Variants in NOL4 observed in about 807,000 individuals in gnomAD.
NOL4 encodes cancer/testis antigen 125.
In NOL4, 17 loss-of-function variants were observed where a neutral mutation model predicts 75.9. The observed-to-expected ratio is 0.22, with a 90% CI of 0.15 to 0.34. The LOEUF is 0.34. Ranked by LOEUF, NOL4 falls within the 10% of genes least tolerant of loss-of-function variation. The pLI is 1.00. For synonymous variants in NOL4, 292 were observed against 289.9 expected, an observed-to-expected ratio of 1.01 and a Z score of -0.07; for missense variants, 614 against 793.5, an observed-to-expected ratio of 0.77 and a Z score of 2.72.
intron 4 of NOL4, among the ~76,000 whole-genome samples, chr18:34,099,675 A>G (rs527665878): frequency 6.6e-6 from 1 of 152,078 alleles, no homozygotes; most frequent in East Asian, 1.9e-4. Context: ...TCACCCCTTG[A>G]TTCTAACCCT....
At chr18:34,024,194 A>AAATATATATATATATATAT in intron 5 of NOL4, among the ~76,000 whole-genome samples, 22 of 70,678 alleles carry the variant, frequency 3.1e-4, no homozygotes, top group African/African-American at 7.4e-4. Flanking sequence ...AAAAAAAAAA[A>AAATATATATATATATATAT]ATATATATAT....
chr18:33,859,890 C>A (rs1464795512), intron 10 of NOL4, among the ~76,000 whole-genome samples: 2 of 151,978 alleles, frequency 1.3e-5, no homozygotes, highest in African/African-American at 4.8e-5. Flanking sequence ...TACACTCCAG[C>A]CTGGGGGACA....
chr18:33,934,652 G>A (rs377103087), intron 9 of NOL4, among the ~76,000 whole-genome samples: 1 of 152,032 alleles, frequency 6.6e-6, no homozygotes, highest in Non-Finnish European at 1.5e-5. Context: ...ACTAATCTCT[G>A]CTGTAATAGC....
chr18:34,109,979 G>A (rs1007690141), intron 2 of NOL4, among the ~76,000 whole-genome samples: 3 of 151,428 alleles, frequency 2.0e-5, no homozygotes, highest in Admixed American at 6.6e-5. Context: ...TGCACAGATC[G>A]ATAGTGAGTA....
intron 10 of NOL4, among the ~76,000 whole-genome samples, chr18:33,858,254 G>A (rs890996999): frequency 8.6e-5 from 13 of 151,974 alleles, no homozygotes; most frequent in Admixed American, 8.5e-4. Context: ...ATCAGTAAAT[G>A]AAGTGATTTT....
At chr18:34,124,840 G>C (rs1266385794) in intron 2 of NOL4, among the ~76,000 whole-genome samples, 1 of 151,954 alleles carries the variant, frequency 6.6e-6, no homozygotes, top group Non-Finnish European at 1.5e-5. Flanking sequence ...TCGGGAGGTG[G>C]AGGTTGCAGT....
intron 1 of NOL4, among the ~76,000 whole-genome samples, chr18:34,217,055 A>G (rs971739583): frequency 3.3e-5 from 5 of 152,168 alleles, no homozygotes; most frequent in African/African-American, 1.2e-4. Flanking sequence ...AGAGGAATCT[A>G]GAATGATGTT....
chr18:33,959,708 T>C (rs893197261), intron 6 of NOL4, among the ~76,000 whole-genome samples: 1 of 152,092 alleles, frequency 6.6e-6, no homozygotes, highest in Non-Finnish European at 1.5e-5. Context: ...AATTAGTACT[T>C]AGAACAACTG....
At chr18:33,882,098 A>G (rs2144664873) in intron 10 of NOL4, among the ~76,000 whole-genome samples, 1 of 152,338 alleles carries the variant, frequency 6.6e-6, no homozygotes, top group Admixed American at 6.5e-5. Flanking sequence ...AAACCATAAA[A>G]ACCCTAGAAG....
At chr18:34,026,389 C>T (rs535471477) in intron 5 of NOL4, among the ~76,000 whole-genome samples, 16 of 152,232 alleles carry the variant, frequency 1.1e-4, no homozygotes, top group African/African-American at 3.9e-4. Flanking sequence ...GAATCTGATT[C>T]CCATGTAGGA....
At chr18:34,214,938 CT>C (rs1413943057) in intron 1 of NOL4, among the ~76,000 whole-genome samples, 1 of 152,124 alleles carries the variant, frequency 6.6e-6, no homozygotes, top group African/African-American at 2.4e-5. Flanking sequence ...TATGATTCCA[CT>C]TATATGAGGC....
chr18:34,213,376 G>A (rs763065139), intron 1 of NOL4, among the ~76,000 whole-genome samples: 7 of 152,080 alleles, frequency 4.6e-5, no homozygotes, highest in African/African-American at 1.7e-4. Flanking sequence ...TGCAACCTCC[G>A]CCTCCCGGCT....
At chr18:34,215,050 G>C (rs2036785100) in intron 1 of NOL4, among the ~76,000 whole-genome samples, 1 of 152,186 alleles carries the variant, frequency 6.6e-6, no homozygotes, top group Admixed American at 6.5e-5. Flanking sequence ...TATAGTTTCT[G>C]TTATGCAAGA....
chr18:33,902,476 T>C (rs2065800168), intron 9 of NOL4, among the ~76,000 whole-genome samples: 2 of 152,164 alleles, frequency 1.3e-5, no homozygotes, highest in Admixed American at 6.6e-5. Context: ...GGAAATGTTT[T>C]ATATAGAAAA....
rs940972140 is a variant in NOL4, at chr18:34,102,119, T to A, written c.639+1928A>T. 4.6e-5 allele frequency among the ~76,000 whole-genome samples: 7 copies of A among 152,198 alleles called. No individual in the cohort carries two copies. In the East Asian group the frequency reaches 1.4e-3, roughly 29 times the overall value. On this transcript the variant is annotated intron_variant, in intron 4 of 10. Transcript: ENST00000261592. The stretch of plus-strand genomic sequence containing the variant: ...TACATTTTAATAAAGCCTTTTAAAC[T>A]TGTGATTCCCTAGTTCTAAAGGGAG...
At chr18:33,981,835 C>T (rs1212815634) in intron 6 of NOL4, among the ~76,000 whole-genome samples, 1 of 151,924 alleles carries the variant, frequency 6.6e-6, no homozygotes, top group Non-Finnish European at 1.5e-5. Context: ...TTTAATAATA[C>T]TAGCAACAAT....
chr18:34,029,201 A>G (rs1295621142), intron 5 of NOL4, among the ~76,000 whole-genome samples: 1 of 152,166 alleles, frequency 6.6e-6, no homozygotes, highest in Non-Finnish European at 1.5e-5. Flanking sequence ...ACAATAAACT[A>G]TATGATATCT....
intron 5 of NOL4, among the ~76,000 whole-genome samples, chr18:34,056,840 A>G (rs767254059): frequency 3.0e-4 from 45 of 152,220 alleles, no homozygotes; most frequent in Non-Finnish European, 5.7e-4. Flanking sequence ...TTGTTAACTC[A>G]GTGTCTTCAA....
At chr18:34,161,861 A>C (rs952908381) in intron 1 of NOL4, among the ~76,000 whole-genome samples, 1 of 152,182 alleles carries the variant, frequency 6.6e-6, no homozygotes, top group Non-Finnish European at 1.5e-5. Flanking sequence ...GAAATATTCA[A>C]CTTTATAAGG....
Sources: allele counts gnomAD v4.1 joint callset (sites outside exome capture counted in the v4.1 genomes callset), GRCh38; gene constraint gnomAD v4.1.1; transcripts MANE v1.5; gene names NCBI Gene and HGNC (gene_info 2026-07-23, HGNC 2026-07-21).